Variants in ASH1L observed in about 807,000 individuals in gnomAD.
ASH1L encodes histone-lysine N-methyltransferase ASH1L.
Under a neutral mutation model 269.0 loss-of-function variants are expected in ASH1L, and 23 were observed. The ratio of observed to expected loss-of-function variants is 0.09; its 90% confidence interval spans 0.06 to 0.12. The LOEUF is 0.12. Among genes scored for constraint, ASH1L ranks in the 10% least tolerant of loss-of-function variants. The pLI is 1.00. For synonymous variants in ASH1L, 1,187 were observed against 1,253.5 expected, an observed-to-expected ratio of 0.95 and a Z score of 1.12; for missense variants, 2,912 against 3,567.8, an observed-to-expected ratio of 0.82 and a Z score of 4.68.
At chr1:155,407,961 T>G (rs571030827) in intron 6 of ASH1L, among the ~76,000 whole-genome samples, 1 of 152,282 alleles carries the variant, frequency 6.6e-6, no homozygotes, top group Non-Finnish European at 1.5e-5. Context: ...GTGATGTGGG[T>G]TTCTTTCTGG....
At chr1:155,394,431 T>C (rs551754789) in intron 7 of ASH1L, among the ~76,000 whole-genome samples, 1 of 152,328 alleles carries the variant, frequency 6.6e-6, no homozygotes, top group East Asian at 1.9e-4. Context: ...TTTTACTGAA[T>C]GGAGGCTGGG....
At chr1:155,388,412 C>G (rs139244025) in intron 7 of ASH1L, among the ~76,000 whole-genome samples, 1 of 152,078 alleles carries the variant, frequency 6.6e-6, no homozygotes, top group African/African-American at 2.4e-5. Context: ...CTGCCTCAGG[C>G]TCCTAAGTAG....
chr1:155,448,945 T>G (rs1050771555), intron 4 of ASH1L, among the ~76,000 whole-genome samples: 3 of 151,840 alleles, frequency 2.0e-5, no homozygotes, highest in African/African-American at 7.3e-5. Context: ...TGTGTGTGTT[T>G]TTTTTTTTAA....
chr1:155,337,077 G>A lies in ASH1L; in HGVS notation c.*583C>T, dbSNP rs1240311013. The A allele has an allele frequency of 1.3e-5, 2 of 152,448 alleles. No homozygotes were observed. Among genetic ancestry groups the A allele is most frequent in the East Asian group, 3.7e-4 (2 of 5,344 alleles). 9.4% of individuals were successfully genotyped at this position (152,448 alleles called of 1,614,324 possible). A position where few individuals can be genotyped will look rare whatever the true frequency, so the allele number is the denominator to read the frequency against. ...GGTAGGGAGGGGGCAGCAGTTACAAGTGCTTTGAGCTGTCAACTCACATTT... is the reference window on the plus strand; with the variant it reads ...GGTAGGGAGGGGGCAGCAGTTACAAATGCTTTGAGCTGTCAACTCACATTT... On this transcript the variant is annotated 3_prime_UTR_variant, in exon 28 of 28. Transcript: ENST00000392403.
chr1:155,398,673 G>C (rs1658566602), intron 6 of ASH1L, among the ~76,000 whole-genome samples: 1 of 152,084 alleles, frequency 6.6e-6, no homozygotes, highest in African/African-American at 2.4e-5. Context: ...CAAAATGCTA[G>C]GAAAGCTATG....
rs544818597 is a variant in ASH1L, at chr1:155,343,455, A to G, written c.8152T>C (p.Phe2718Leu). ...EERFAFGHHY[F>L]RPHETHHSPS... ...GAGTGGTGTGTTTCGTGGGGACGGA[A>G]ATAATGGTGACCAAAGGCAAACCGT... is the stretch of plus-strand genomic sequence containing the variant. The change falls in exon 24 of 28, where the codon TTC becomes CTC. Residue 2718 changes from phenylalanine (F) to leucine (L), a missense_variant. Physicochemically the swap from Phe to Leu is conservative, Grantham distance 22. Coordinates refer to ENST00000392403, the MANE Select transcript of ASH1L (RefSeq NM_018489.3). This position sits in a 1 kb window ranked among gnomAD's most constrained non-coding sequence, Gnocchi z 6.1. 2 of 1,614,196 alleles carry G rather than the reference A, an allele frequency of 1.2e-6. No individual in the cohort carries two copies. The highest frequency in any genetic ancestry group is 1.7e-6 in the Non-Finnish European group (2 of 1,180,034).
intron 6 of ASH1L, among the ~76,000 whole-genome samples, chr1:155,407,026 C>A (rs558911216): frequency 6.6e-6 from 1 of 152,150 alleles, no homozygotes; most frequent in South Asian, 2.1e-4. Context: ...GGAATTGAAC[C>A]AGCCTGGCCA....
intron 3 of ASH1L, among the ~76,000 whole-genome samples, chr1:155,464,904 T>C (rs1664562726): frequency 6.6e-6 from 1 of 151,762 alleles, no homozygotes; most frequent in Non-Finnish European, 1.5e-5. Context: ...ACTGTCAAAG[T>C]TGAAAAAGTA....
intron 6 of ASH1L, 30 bp downstream of exon 6, chr1:155,415,714 G>T (rs1161391031): frequency 2.5e-6 from 4 of 1,588,462 alleles, no homozygotes; most frequent in African/African-American, 2.7e-5. Flanking sequence ...GAAGAAAAAG[G>T]GATGTTAGCT....
chr1:155,381,360 C>T (rs909404975), intron 7 of ASH1L, among the ~76,000 whole-genome samples: 1 of 151,394 alleles, frequency 6.6e-6, no homozygotes, highest in East Asian at 1.9e-4. Flanking sequence ...AGAGACAAGG[C>T]TGGCCAACAT....
At chr1:155,378,634 T>C in intron 8 of ASH1L, 86 bp from the exon 9 acceptor site, 1 of 1,060,308 alleles carries the variant, frequency 9.4e-7, no homozygotes, top group Non-Finnish European at 1.4e-6. Context: ...ACAGGAAATT[T>C]TCTATGTGCT....
chr1:155,512,011 C>T (rs1668191400), intron 2 of ASH1L, among the ~76,000 whole-genome samples: 1 of 151,914 alleles, frequency 6.6e-6, no homozygotes, highest in Admixed American at 6.6e-5. Flanking sequence ...AGGGTTTCTC[C>T]ATGTTGGTCA....
intron 2 of ASH1L, among the ~76,000 whole-genome samples, chr1:155,506,394 C>A (rs1667816484): frequency 6.6e-6 from 1 of 152,128 alleles, no homozygotes; most frequent in Admixed American, 6.5e-5. Flanking sequence ...ATCCATTTTT[C>A]TTATTTAAGA....
intron 3 of ASH1L, among the ~76,000 whole-genome samples, chr1:155,466,641 A>G (rs1369223439): frequency 2.0e-5 from 3 of 152,230 alleles, no homozygotes; most frequent in Admixed American, 6.5e-5. Flanking sequence ...TATAGAATGT[A>G]TAAGAATCAG....
chr1:155,461,561 A>G lies in ASH1L; in HGVS notation c.4985-1663T>C, dbSNP rs1183121175. ...CCTCCTCGAGTGTGGTTCAGATGAG[A>G]TATTTCCATTAAATAACTGAATGTC... On this transcript the variant is annotated intron_variant, in intron 3 of 27. Transcript: ENST00000392403. 3.9e-5 allele frequency among the ~76,000 whole-genome samples: 6 copies of G among 152,182 alleles called. No homozygotes were observed. In the South Asian group the frequency reaches 6.2e-4, roughly 16 times the overall value.
intron 2 of ASH1L, among the ~76,000 whole-genome samples, chr1:155,513,455 G>C (rs1030501465): frequency 6.6e-6 from 1 of 151,100 alleles, no homozygotes; most frequent in Non-Finnish European, 1.5e-5. Context: ...GCCTGTAGCC[G>C]GTCTACTCAA....
chr1:155,425,356 C>A (rs1236387174), intron 5 of ASH1L, among the ~76,000 whole-genome samples: 3 of 150,736 alleles, frequency 2.0e-5, no homozygotes, highest in African/African-American at 7.3e-5. Context: ...CGGATCACTG[C>A]AGCTTCTGCC....
chr1:155,512,789 T>A lies in ASH1L; in HGVS notation c.420+8311A>T, dbSNP rs114911662. ...TGGGCACAGTGGCTCACTGGCACGGTGGCTGACACCTTGTAATCCCAGCAC... is the reference window on the plus strand; with the variant it reads ...TGGGCACAGTGGCTCACTGGCACGGAGGCTGACACCTTGTAATCCCAGCAC... On this transcript the variant is annotated intron_variant, in intron 2 of 27. Coordinates refer to ENST00000392403, the MANE Select transcript of ASH1L (RefSeq NM_018489.3). Among the ~76,000 whole-genome samples the A allele has an allele frequency of 6.1e-3, 928 of 151,768 alleles. 10 individuals carry two copies. The highest frequency in any genetic ancestry group is 0.022 in the African/African-American group (904 of 41,422).
chr1:155,496,882 G>T (rs2148782053), intron 2 of ASH1L, among the ~76,000 whole-genome samples: 1 of 152,046 alleles, frequency 6.6e-6, no homozygotes, highest in East Asian at 1.9e-4. Context: ...CCGGGCTCGG[G>T]CAATTCTCCC....
Sources: allele counts gnomAD v4.1 joint callset (sites outside exome capture counted in the v4.1 genomes callset), GRCh38; gene constraint gnomAD v4.1.1; non-coding constraint Gnocchi (gnomAD v3.1); transcripts MANE v1.5; gene names NCBI Gene and HGNC (gene_info 2026-07-23, HGNC 2026-07-21).